The following MRPL9 variants were observed in gnomAD, a reference collection of about 807,000 sequenced individuals.
MRPL9 encodes the protein large ribosomal subunit protein bL9m.
In MRPL9, 25 loss-of-function variants were observed where a neutral mutation model predicts 27.6. The ratio of observed to expected loss-of-function variants is 0.91; its 90% CI spans 0.66 to 1.27. The LOEUF is 1.27. MRPL9 is among the 50% of genes most tolerant of loss of function. The pLI is 0.00. For synonymous variants in MRPL9, 154 were observed against 139.0 expected (o/e 1.11, Z -0.76); for missense variants, 362 against 338.0 (o/e 1.07, Z -0.56).
chr1:151,763,343 C>T lies in MRPL9; in HGVS notation c.137G>A (p.Ser46Asn), dbSNP rs751788195. 13 of 1,590,908 alleles carry T rather than the reference C, an allele frequency of 8.2e-6. No homozygotes were observed. In the Admixed American group the frequency reaches 1.4e-4, roughly 17 times the overall value. ...GNAPDLACNF[S>N]LSQNRGTVIV... Reference sequence around the variant, plus strand: ...AGCCCTCACCCGATTTTGAGAAAGGCTGAAGTTGCAGGCCAGGTCAGGGGC... The same window carrying T: ...AGCCCTCACCCGATTTTGAGAAAGGTTGAAGTTGCAGGCCAGGTCAGGGGC... The change falls in exon 1 of 7, where the codon AGC (serine) becomes AAC (asparagine). Residue 46 changes from serine (S) to asparagine (N), a missense_variant. Transcript: ENST00000368830.
intron 3 of MRPL9, 106 bp downstream of exon 3, chr1:151,762,270 A>G: frequency 6.3e-7 from 1 of 1,576,052 alleles, no homozygotes; most frequent in South Asian, 1.1e-5. Flanking sequence ...CTGTTCTTCT[A>G]GTTCCTATTT....
rs1647976222 is a variant in MRPL9, at chr1:151,759,756, A to G, written c.*294T>C. On this transcript the variant is annotated 3_prime_UTR_variant, in exon 7 of 7. Coordinates refer to ENST00000368830, the MANE Select transcript of MRPL9 (RefSeq NM_031420.4). ...ATGGCTGGCTCTCCTGTTTGTCCCAATAAACTCCAATGGAGGAAGAAGCTA... is the reference window on the plus strand; with the variant it reads ...ATGGCTGGCTCTCCTGTTTGTCCCAGTAAACTCCAATGGAGGAAGAAGCTA... 1.4e-5 allele frequency: 4 copies of G among 288,790 alleles called. No homozygotes were observed. Among genetic ancestry groups the G allele is most frequent in the Non-Finnish European group, 2.6e-5 (4 of 156,826 alleles). The allele number at this position is 288,790 out of a possible 1,614,324, so 17.9% of individuals were successfully genotyped here. A position where few individuals can be genotyped will look rare whatever the true frequency, so the allele number is the denominator to read the frequency against.
intron 2 of MRPL9, 168 bp downstream of exon 2, chr1:151,762,822 A>G: frequency 1.2e-6 from 1 of 847,310 alleles, no homozygotes. Context: ...TCAATGCTGG[A>G]GGCCAGTGTC....
intron 4 of MRPL9, 133 bp downstream of exon 4, chr1:151,761,972 G>A: frequency 4.6e-6 from 4 of 868,004 alleles, no homozygotes; most frequent in Non-Finnish European, 7.5e-6. Flanking sequence ...CTGTTTTGTG[G>A]GGCAGCCACA....
chr1:151,761,505 G>A lies in MRPL9; in HGVS notation c.534C>T (p.Asn178=), dbSNP rs1439258272. The A allele has an allele frequency of 6.2e-7, 1 of 1,613,730 alleles. No homozygotes were observed. The highest frequency in any genetic ancestry group is 1.7e-5 in the Admixed American group (1 of 60,012). Residue 178 remains asparagine (N), a synonymous_variant, in exon 5 of 7, where the codon AAC becomes AAT. Transcript: ENST00000368830. ...KSCRLEVGMK[N]NVKWELNPEI... The stretch of plus-strand genomic sequence containing the variant: ...CAGGGTTCAGCTCCCATTTGACATT[G>A]TTCTTCATCCCTACCTCCAGGCGAC...
In MRPL9 at chr1:151,762,212, T is replaced by TATTA. The variant is rs1273669407; in HGVS notation, c.436-58_436-57insTAAT. On this transcript the variant is annotated intron_variant, in intron 3 of 6. Coordinates refer to ENST00000368830, the MANE Select transcript of MRPL9 (RefSeq NM_031420.4). Reference sequence around the variant, plus strand: ...AAAAGAAAAATGAGCCCATGTTAAATAGCATCAAACTATTCCTATGTTGGA... The same window carrying TATTA: ...AAAAGAAAAATGAGCCCATGTTAAATATTAAGCATCAAACTATTCCTATGTTGGA... The TATTA allele has an allele frequency of 3.1e-6, 5 of 1,590,094 alleles. No individual in the cohort carries two copies. In the African/African-American group the frequency reaches 5.4e-5, roughly 17 times the overall value.
In MRPL9 at chr1:151,762,451, C is replaced by T. The variant is rs752628885; in HGVS notation, c.360G>A (p.Arg120=). 2 of 1,614,018 alleles carry T rather than the reference C, an allele frequency of 1.2e-6. No individual in the cohort carries two copies. Among genetic ancestry groups the T allele is most frequent in the African/African-American group, 2.7e-5 (2 of 74,910 alleles). The change falls in exon 3 of 7, where the codon CGG becomes CGA. Residue 120 remains arginine (R), a synonymous_variant. Transcript: ENST00000368830. Reference sequence around the variant, plus strand: ...CCAGTCCCTGAGGAAGGAGTCGATTCCGGCCTAAAGATTTCTTCACTGAGA... The same window carrying T: ...CCAGTCCCTGAGGAAGGAGTCGATTTCGGCCTAAAGATTTCTTCACTGAGA... The part of the protein sequence containing the change: ...DLVSVKKSLG[R]NRLLPQGLAV...
At chr1:151,760,315 T>C (rs1648006195) in intron 6 of MRPL9, 134 bp from the exon 7 acceptor site, 2 of 1,145,166 alleles carry the variant, frequency 1.7e-6, no homozygotes, top group Non-Finnish European at 1.3e-6. Flanking sequence ...CAGTGGCTTA[T>C]GCCTGTAATC....
In MRPL9 at chr1:151,763,326, C is replaced by T. The variant is rs762171378; in HGVS notation, c.153+1G>A. ...CCCCCTACCCCAGACTCAGCCCTCA[C>T]CCGATTTTGAGAAAGGCTGAAGTTG... is the stretch of plus-strand genomic sequence containing the variant. On this transcript the variant is annotated splice_donor_variant, in intron 1 of 6. Coordinates refer to ENST00000368830, the MANE Select transcript of MRPL9 (RefSeq NM_031420.4). LOFTEE classifies it high-confidence loss of function. 1.3e-5 allele frequency: 20 copies of T among 1,594,964 alleles called. No individual in the cohort carries two copies. The highest frequency in any genetic ancestry group is 1.7e-5 in the Non-Finnish European group (20 of 1,169,706).
At position 151,763,408 on chromosome 1, in the gene MRPL9, T is replaced by A. The variant is rs773909026; in HGVS notation, c.72A>T (p.Gly24=). Residue 24 remains glycine (G), a synonymous_variant, in exon 1 of 7, where the codon GGA becomes GGT. Transcript: ENST00000368830. ...GCGGCCGCAGTAGCTCCTGGACGCCTCCCCGAAGCAGCCGTCCAGCGCCCG... is the reference window on the plus strand; with the variant it reads ...GCGGCCGCAGTAGCTCCTGGACGCCACCCCGAAGCAGCCGTCCAGCGCCCG... ...LRAGAGRLLR[G]GVQELLRPRH... is the part of the protein sequence containing the mutation. 1 of 1,565,334 alleles carries A rather than the reference T, an allele frequency of 6.4e-7. No homozygotes were observed. Among genetic ancestry groups the A allele is most frequent in the East Asian group, 2.4e-5 (1 of 41,964 alleles).
chr1:151,761,410 C>T (rs780213211), intron 5 of MRPL9, 41 bp downstream of exon 5: 13 of 1,431,680 alleles, frequency 9.1e-6, no homozygotes, highest in Admixed American at 5.0e-5. Flanking sequence ...GAGGCAGCTT[C>T]CACCTCAGGG....
At chr1:151,762,049 C>A in intron 4 of MRPL9, 56 bp downstream of exon 4, 1 of 1,554,130 alleles carries the variant, frequency 6.4e-7, no homozygotes, top group South Asian at 1.1e-5. Context: ...GGGAGACTCT[C>A]AGGGTGAGGT....
At position 151,760,779 on chromosome 1, in the gene MRPL9, G is replaced by A. The variant is rs139923281; in HGVS notation, c.672+37C>T. Reference sequence around the variant, plus strand: ...AAAAGGAAAAAGTGGGGGAAAAGGAGAAAGAAAAGAAAAAAGAAAGTATGC... The same window carrying A: ...AAAAGGAAAAAGTGGGGGAAAAGGAAAAAGAAAAGAAAAAAGAAAGTATGC... On this transcript the variant is annotated intron_variant, in intron 6 of 6. Transcript: ENST00000368830. The A allele has an allele frequency of 1.9e-3, 2,947 of 1,518,818 alleles. 30 individuals carry two copies. The African/African-American group carries it at 0.025, about 13-fold the overall frequency. 94.1% of individuals were successfully genotyped at this position (1,518,818 alleles called of 1,614,324 possible).
At chr1:151,760,445 C>T (rs1272966481) in intron 6 of MRPL9, among the ~76,000 whole-genome samples, 1 of 151,796 alleles carries the variant, frequency 6.6e-6, no homozygotes, top group Non-Finnish European at 1.5e-5. Flanking sequence ...GGCACGGTGG[C>T]GTGTGCCTGT....
intron 2 of MRPL9, 115 bp downstream of exon 2, chr1:151,762,875 A>G: frequency 1.6e-6 from 2 of 1,236,600 alleles, no homozygotes; most frequent in Admixed American, 4.4e-5. Flanking sequence ...TCACATATAG[A>G]GTTGGATTGT....
chr1:151,761,925 C>A (rs926011875), intron 4 of MRPL9, 180 bp downstream of exon 4: 12 of 636,918 alleles, frequency 1.9e-5, no homozygotes, highest in Non-Finnish European at 8.3e-6. Context: ...AGGCACTTCA[C>A]CCAACACATC....
rs202125013 is a variant in MRPL9 at position 151,762,360 on chromosome 1, C to T, written c.435+16G>A. The T allele has an allele frequency of 1.0e-4, 163 of 1,613,934 alleles. 1 individual carries two copies. Among genetic ancestry groups the T allele is most frequent in the Non-Finnish European group, 8.8e-5 (104 of 1,180,024 alleles). ...TTTTATCTCCCCAAGTCTCTCTGTC[C>T]TTCCTTTGAGCTCACCAATTTCTCC... On this transcript the variant is annotated intron_variant, in intron 3 of 6. Transcript: ENST00000368830.
chr1:151,760,723 A>T, intron 6 of MRPL9, 93 bp downstream of exon 6: 1 of 1,173,338 alleles, frequency 8.5e-7, no homozygotes, highest in Non-Finnish European at 1.2e-6. Flanking sequence ...CTGGGCAATG[A>T]AACAAAACCC....
Position 151,761,413 on chromosome 1 carries a change from C to A in MRPL9, c.588+38G>T, listed in dbSNP as rs368346639. On this transcript the variant is annotated intron_variant, in intron 5 of 6. Transcript: ENST00000368830. ...GCCTCCTTTCCAGAGGCAGCTTCCA[C>A]CTCAGGGGTAGAGTGGTTTTTGGGA... 1.3e-4 allele frequency: 190 copies of A among 1,469,080 alleles called. No individual in the cohort carries two copies. The African/African-American group carries it at 2.5e-3, about 19-fold the overall frequency. The allele number at this position is 1,469,080 out of a possible 1,614,324, so 91.0% of individuals were successfully genotyped here.
Sources: allele counts gnomAD v4.1 joint callset (sites outside exome capture counted in the v4.1 genomes callset), GRCh38; gene constraint gnomAD v4.1.1; transcripts MANE v1.5; gene names NCBI Gene and HGNC (gene_info 2026-07-23, HGNC 2026-07-21).